FAM222B: variants seen among roughly 807,000 people sequenced by gnomAD.
FAM222B encodes the protein family with sequence similarity 222 member B.
In FAM222B, 12 loss-of-function variants were observed where a neutral mutation model predicts 38.0. The observed-to-expected ratio is 0.32, with a 90% CI of 0.20 to 0.51. The LOEUF (loss-of-function observed/expected upper bound fraction) is 0.51, where lower values mean the gene tolerates loss of function less well. Among genes scored for constraint, FAM222B ranks in the 20% least tolerant of loss-of-function variants. The pLI is 0.97. For missense variants in FAM222B, 716 were observed against 754.2 expected, an observed-to-expected ratio of 0.95 and a Z score of 0.59; for synonymous variants, 329 against 317.2, an observed-to-expected ratio of 1.04 and a Z score of -0.40.
At chr17:28,772,937 G>A (rs2035708854) in intron 1 of FAM222B, among the ~76,000 whole-genome samples, 1 of 152,066 alleles carries the variant, frequency 6.6e-6, no homozygotes, top group Admixed American at 6.6e-5. Context: ...TGGCAAAGAG[G>A]CATTAATGAA....
At chr17:28,810,006 TG>T (rs1439618090) in intron 1 of FAM222B, among the ~76,000 whole-genome samples, 107 of 152,088 alleles carry the variant, frequency 7.0e-4, no homozygotes, top group African/African-American at 2.6e-3. Context: ...TTTTTGTTTT[TG>T]TTTTTTTGAG....
chr17:28,824,455 G>C (rs2038368939), intron 1 of FAM222B, among the ~76,000 whole-genome samples: 1 of 151,972 alleles, frequency 6.6e-6, no homozygotes, highest in Non-Finnish European at 1.5e-5. Flanking sequence ...CAAAGTGCTG[G>C]GTTACAGGCA....
At chr17:28,844,244 C>T (rs1347377428), upstream of FAM222B, among the ~76,000 whole-genome samples, 1 of 152,146 alleles carries the variant, frequency 6.6e-6, no homozygotes, top group East Asian at 1.9e-4. Context: ...TCTTTTTTCT[C>T]TCTCAACTCC....
At chr17:28,821,334 C>A (rs2038212061) in intron 1 of FAM222B, among the ~76,000 whole-genome samples, 1 of 152,098 alleles carries the variant, frequency 6.6e-6, no homozygotes, top group Non-Finnish European at 1.5e-5. Context: ...GAATTTAAGG[C>A]CTCTCAATAA....
intron 1 of FAM222B, among the ~76,000 whole-genome samples, chr17:28,825,426 C>T (rs1172585785): frequency 2.1e-5 from 3 of 145,936 alleles, no homozygotes; most frequent in Non-Finnish European, 4.5e-5. Flanking sequence ...AGAGTGAGAT[C>T]CCGTCTCAAA....
At chr17:28,805,360 C>A (rs895688960) in intron 1 of FAM222B, among the ~76,000 whole-genome samples, 1 of 152,160 alleles carries the variant, frequency 6.6e-6, no homozygotes, top group Non-Finnish European at 1.5e-5. Context: ...CATGGTGAAA[C>A]CCCGTCTCTA....
At chr17:28,793,901 A>G in intron 1 of FAM222B, among the ~76,000 whole-genome samples, 1 of 151,798 alleles carries the variant, frequency 6.6e-6, no homozygotes, top group African/African-American at 2.4e-5. Flanking sequence ...ATGCACCACC[A>G]CGCCAGGCTA....
intron 1 of FAM222B, among the ~76,000 whole-genome samples, chr17:28,772,587 A>AG (rs1251671308): frequency 7.3e-5 from 11 of 150,980 alleles, no homozygotes; most frequent in Non-Finnish European, 1.2e-4. Flanking sequence ...AAAAAAAAAA[A>AG]AAGAACAGAG....
chr17:28,771,072 C>G (rs544919250), intron 1 of FAM222B, among the ~76,000 whole-genome samples: 1 of 149,578 alleles, frequency 6.7e-6, no homozygotes, highest in South Asian at 2.1e-4. Flanking sequence ...AGAGTCCCAT[C>G]TTGGCCTTCT....
rs547325133 is a variant in FAM222B at position 28,780,231 on chromosome 17, C to A, written c.-40-13524G>T. Among the ~76,000 whole-genome samples the A allele has an allele frequency of 7.6e-4, 115 of 152,120 alleles. 2 individuals carry two copies. In the South Asian group the frequency reaches 0.023, roughly 30 times the overall value. ...ATGATCTATCCGCCTCAGCCCACTC[C>A]AGCCACTTTTATTCAACATAGTACT... On this transcript the variant is annotated intron_variant, in intron 1 of 2. Transcript: ENST00000581407.
At position 28,850,198 on chromosome 17, in the gene FAM222B, G is replaced by T. The variant is rs1289672757; in HGVS notation, c.-41+4752C>A. On this transcript the variant is annotated intron_variant, in intron 1 of 2. Coordinates refer to the FAM222B transcript ENST00000577513. ...TGCCTCACTCTTGATAGCATGAGGG[G>T]CCAGCGGGCAGGGATTGCGATTTGA... 2.6e-5 allele frequency among the ~76,000 whole-genome samples: 4 copies of T among 152,096 alleles called. No homozygotes were observed. In the South Asian group the frequency reaches 8.3e-4, roughly 32 times the overall value.
At chr17:28,836,498 G>A (rs569564163) in intron 1 of FAM222B, among the ~76,000 whole-genome samples, 3 of 152,016 alleles carry the variant, frequency 2.0e-5, no homozygotes, top group African/African-American at 7.2e-5. Flanking sequence ...CGGGAGCTTC[G>A]GCAAGACTCA....
intron 1 of FAM222B, among the ~76,000 whole-genome samples, chr17:28,769,892 T>C (rs963056494): frequency 6.6e-6 from 1 of 152,226 alleles, no homozygotes; most frequent in Non-Finnish European, 1.5e-5. Context: ...TCTACTTATT[T>C]TTCTAGCTCC....
At chr17:28,784,289 C>T (rs1031577269) in intron 1 of FAM222B, among the ~76,000 whole-genome samples, 4 of 151,334 alleles carry the variant, frequency 2.6e-5, no homozygotes, top group Admixed American at 1.3e-4. Flanking sequence ...GCATGGGCAA[C>T]GCAGTAAAAT....
chr17:28,812,981 C>T (rs1304892706), intron 1 of FAM222B, among the ~76,000 whole-genome samples: 1 of 126,626 alleles, frequency 7.9e-6, no homozygotes, highest in Non-Finnish European at 1.6e-5. Flanking sequence ...CATCAATCCT[C>T]CCTGTCGGAA....
chr17:28,815,163 G>T (rs962158392), intron 1 of FAM222B, among the ~76,000 whole-genome samples: 1 of 151,554 alleles, frequency 6.6e-6, no homozygotes, highest in Non-Finnish European at 1.5e-5. Context: ...AGTAGTTATT[G>T]AGAGAATAAG....
intron 1 of FAM222B, among the ~76,000 whole-genome samples, chr17:28,816,422 T>C (rs1268302677): frequency 1.3e-5 from 2 of 152,020 alleles, no homozygotes; most frequent in Non-Finnish European, 2.9e-5. Context: ...CTCTCAAAAA[T>C]AGATGGAAGA....
At position 28,781,539 on chromosome 17, in the gene FAM222B, A is replaced by T. The variant is rs180962488; in HGVS notation, c.-40-14832T>A. Among the ~76,000 whole-genome samples the T allele has an allele frequency of 2.0e-5, 3 of 152,320 alleles. No individual in the cohort carries two copies. In the East Asian group the frequency reaches 5.8e-4, roughly 29 times the overall value. On this transcript the variant is annotated intron_variant, in intron 1 of 2. Transcript: ENST00000581407. ...CCAGCAATCCCACTACTGGGCATAT[A>T]TACAAGGAAATGAAATCAGCATGTT...
intron 1 of FAM222B, among the ~76,000 whole-genome samples, chr17:28,820,484 C>T (rs1348155590): frequency 6.6e-6 from 1 of 152,072 alleles, no homozygotes; most frequent in Non-Finnish European, 1.5e-5. Flanking sequence ...TTTTCAGTGT[C>T]TTTTGTGTGT....
Sources: gnomAD v4.1 joint callset for allele counts (sites outside exome capture counted in the v4.1 genomes callset) on GRCh38, gnomAD v4.1.1 for gene constraint, MANE v1.5 for transcripts, NCBI Gene and HGNC (gene_info 2026-07-23, HGNC 2026-07-21) for gene names.